TMEM164: variants seen among roughly 807,000 people sequenced by gnomAD.
TMEM164 encodes the protein transmembrane protein 164, also known as RP13-360B22.2.
In TMEM164, 4 loss-of-function variants were observed where a neutral mutation model predicts 18.8. That is an observed-to-expected ratio of 0.21 (90% CI 0.10 to 0.49). TMEM164 has a LOEUF of 0.49. TMEM164 is among the 20% of genes least tolerant of loss of function. The probability of loss-of-function intolerance (pLI) is 0.98; values close to 1 mark genes in which losing one functional copy is unlikely to be tolerated. For missense variants in TMEM164, 108 were observed against 239.9 expected (o/e 0.45, Z 3.63); for synonymous variants, 86 against 101.7 (o/e 0.85, Z 0.93).
intron 3 of TMEM164, among the ~76,000 whole-genome samples, chrX:110,107,326 G>A (rs1009455164): frequency 2.7e-5 from 3 of 111,696 alleles, no homozygotes; most frequent in Non-Finnish European, 3.8e-5. Flanking sequence ...TCTGAAACTC[G>A]TTTCCTTATC....
intron 2 of TMEM164, among the ~76,000 whole-genome samples, chrX:110,016,737 GC>G (rs1302856796): frequency 9.1e-6 from 1 of 109,763 alleles, no homozygotes; most frequent in African/African-American, 3.3e-5. Flanking sequence ...GCTCACTGCA[GC>G]CTTGACCCCT....
In TMEM164 at chrX:110,105,721, G is replaced by GAC. The variant is rs1229836464; in HGVS notation, c.441-3349_441-3348dup. On this transcript the variant is annotated intron_variant, in intron 3 of 6. Transcript: ENST00000372068. ...ACACACACACACACACACACACACA[G>GAC]ACACACACACAGAGAGAGAGAGAGA... is the stretch of plus-strand genomic sequence containing the variant. Among the ~76,000 whole-genome samples, 7 of 50,887 alleles carry GAC rather than the reference G, an allele frequency of 1.4e-4. No homozygotes were observed. In the East Asian group the frequency reaches 2.8e-3, roughly 20 times the overall value. The allele number at this position is 50,887 out of a possible 115,157, so 44.2% of individuals were successfully genotyped here. A position where few individuals can be genotyped will look rare whatever the true frequency, so the allele number is the denominator to read the frequency against.
At chrX:110,024,768 A>G (rs762685075) in intron 2 of TMEM164, among the ~76,000 whole-genome samples, 1 of 112,112 alleles carries the variant, frequency 8.9e-6, no homozygotes, top group Admixed American at 9.5e-5. Flanking sequence ...GGTTTCTAGA[A>G]GAGAAGCAAT....
downstream of TMEM164, among the ~76,000 whole-genome samples, chrX:110,181,394 A>C (rs766784743): frequency 1.9e-3 from 209 of 112,415 alleles, 1 homozygote; most frequent in African/African-American, 6.4e-3. Context: ...GGTGCCTCAG[A>C]AGCCACCTCA....
chrX:110,130,698 G>A (rs1229311693), intron 4 of TMEM164, among the ~76,000 whole-genome samples: 16 of 106,163 alleles, frequency 1.5e-4, no homozygotes, highest in Non-Finnish European at 2.7e-4. Context: ...TTTTTTTTTA[G>A]GGAAATATAT....
chrX:110,038,329 G>T (rs1934938296), intron 2 of TMEM164, among the ~76,000 whole-genome samples: 1 of 109,949 alleles, frequency 9.1e-6, no homozygotes, highest in Non-Finnish European at 1.9e-5. Flanking sequence ...ACTATTAAAG[G>T]GATTCTCTCT....
chrX:110,126,073 A>G (rs2066524225), intron 4 of TMEM164, among the ~76,000 whole-genome samples: 1 of 111,959 alleles, frequency 8.9e-6, no homozygotes, highest in Non-Finnish European at 1.9e-5. Context: ...CTAGACCAGG[A>G]GTGTGTTTTT....
chrX:110,101,580 A>AT lies in TMEM164; in HGVS notation c.441-7483dup, dbSNP rs1298157425. Among the ~76,000 whole-genome samples the AT allele has an allele frequency of 8.3e-3, 756 of 90,754 alleles. 5 individuals are homozygous for AT. Among genetic ancestry groups the AT allele is most frequent in the Middle Eastern group, 0.017 (3 of 175 alleles). The allele number at this position is 90,754 out of a possible 115,157, so 78.8% of individuals were successfully genotyped here. A position where few individuals can be genotyped will look rare whatever the true frequency, so the allele number is the denominator to read the frequency against. On this transcript the variant is annotated intron_variant, in intron 3 of 6. Transcript: ENST00000372068. The stretch of plus-strand genomic sequence containing the variant: ...CAAAGACAAACTTTTGGTTTTATTG[A>AT]TTTTTTTTTTTTTTTTTGAGACAGT...
chrX:110,021,380 G>A (rs1017547028), intron 2 of TMEM164, among the ~76,000 whole-genome samples: 14 of 111,066 alleles, frequency 1.3e-4, no homozygotes, highest in African/African-American at 2.6e-4. Flanking sequence ...GAGAGATTAT[G>A]GCTGGAATGA....
intron 2 of TMEM164, among the ~76,000 whole-genome samples, chrX:110,013,380 G>A (rs1001790472): frequency 8.9e-6 from 1 of 112,166 alleles, no homozygotes; most frequent in Non-Finnish European, 1.9e-5. Context: ...TCTGGGCAGA[G>A]CACAAAAAGG....
At chrX:110,126,810 CTGTGTGTGTGTGTGTGTGTGTG>C (rs4035483) in intron 4 of TMEM164, among the ~76,000 whole-genome samples, 29 of 69,578 alleles carry the variant, frequency 4.2e-4, no homozygotes, top group Admixed American at 1.0e-3. Flanking sequence ...TGGGCCACTC[CTGTGTGTGTGTGTGTGTGTGTG>C]TGTGTGTGTG....
At chrX:110,139,013 A>G (rs939562859) in intron 4 of TMEM164, among the ~76,000 whole-genome samples, 1 of 112,468 alleles carries the variant, frequency 8.9e-6, no homozygotes, top group African/African-American at 3.2e-5. Context: ...AGTGATGGCG[A>G]TGAGTAGAGA....
In TMEM164 at chrX:110,171,514, C is replaced by A. The variant is rs780750439; in HGVS notation, c.681C>A (p.Leu227=). 3 of 1,204,378 alleles carry A rather than the reference C, an allele frequency of 2.5e-6. No individual in the cohort carries two copies. Among genetic ancestry groups the A allele is most frequent in the Non-Finnish European group, 2.3e-6 (2 of 888,789 alleles). Residue 227 remains leucine, a synonymous_variant, in exon 6 of 7, where the codon CTC becomes CTA. Transcript: ENST00000372068. ...ATCACTTCAGCGTCTTGCAGATCCT[C>A]GGCCTGGTAAGTTTGGTTATATCCC... ...FFYHFSVLQI[L]GLVTEVNLNN...
At chrX:110,143,002 G>A (rs1260877644) in intron 4 of TMEM164, among the ~76,000 whole-genome samples, 1 of 112,435 alleles carries the variant, frequency 8.9e-6, no homozygotes, top group Non-Finnish European at 1.9e-5. Flanking sequence ...GTGGCTGCAT[G>A]CCCTTGGCCC....
At chrX:110,178,457 C>T (rs1168709099), downstream of TMEM164, among the ~76,000 whole-genome samples, 3 of 111,312 alleles carry the variant, frequency 2.7e-5, no homozygotes, top group Admixed American at 1.9e-4. Flanking sequence ...AGAGTTGGTT[C>T]GTGTCCTTCC....
At chrX:110,107,883 C>T (rs2066230175) in intron 3 of TMEM164, among the ~76,000 whole-genome samples, 1 of 110,454 alleles carries the variant, frequency 9.1e-6, no homozygotes, top group African/African-American at 3.3e-5. Flanking sequence ...TGGTCTTGAA[C>T]TCCCGACCTC....
Position 110,003,649 on chromosome X carries a change from T to C in TMEM164, c.-126T>C. 1.3e-6 allele frequency: 1 copy of C among 784,083 alleles called. No homozygotes were observed. Among genetic ancestry groups the C allele is most frequent in the South Asian group, 2.6e-5 (1 of 37,896 alleles). 64.6% of individuals were successfully genotyped at this position (784,083 alleles called of 1,213,427 possible). The stretch of plus-strand genomic sequence containing the variant: ...TTCCCCTCCCCTACTCTCGGTGCCC[T>C]GGTGTCTGGAGGGGGGTTGTGGGGG... On this transcript the variant is annotated 5_prime_UTR_variant, in exon 2 of 7. Transcript: ENST00000372068.
chrX:110,114,089 G>C (rs1408000647), intron 4 of TMEM164, among the ~76,000 whole-genome samples: 1 of 111,761 alleles, frequency 8.9e-6, no homozygotes, highest in African/African-American at 3.3e-5. Context: ...AGTAGTCAAG[G>C]TGGGTGTCCC....
intron 3 of TMEM164, among the ~76,000 whole-genome samples, chrX:110,091,269 TGAG>T (rs975399731): frequency 1.8e-5 from 2 of 112,499 alleles, no homozygotes; most frequent in African/African-American, 6.5e-5. Flanking sequence ...TCTATATCCT[TGAG>T]GAATCGCCAC....
Sources: gnomAD v4.1 joint callset for allele counts (sites outside exome capture counted in the v4.1 genomes callset) on GRCh38, gnomAD v4.1.1 for gene constraint, MANE v1.5 for transcripts, NCBI Gene and HGNC (gene_info 2026-07-23, HGNC 2026-07-21) for gene names.